MAP4: variants seen among roughly 807,000 people sequenced by gnomAD.
The protein encoded by MAP4 is microtubule associated protein 4, also known as microtubule-associated protein 4.
Under a neutral mutation model 170.2 loss-of-function variants are expected in MAP4, and 76 were observed. That is an observed-to-expected ratio of 0.45 (90% CI 0.37 to 0.54). MAP4 has a LOEUF of 0.54. Ranked by LOEUF, MAP4 falls within the 20% of genes least tolerant of loss-of-function variation. MAP4 has a pLI of 0.00. For synonymous variants in MAP4, 909 were observed against 994.5 expected, an observed-to-expected ratio of 0.91 and a Z score of 1.62; for missense variants, 2,506 against 2,748.0, an observed-to-expected ratio of 0.91 and a Z score of 1.97.
intron 1 of MAP4, among the ~76,000 whole-genome samples, chr3:48,030,577 T>A (rs2100115533): frequency 6.6e-6 from 1 of 151,324 alleles, no homozygotes; most frequent in African/African-American, 2.4e-5. Flanking sequence ...GGCAGGCAGA[T>A]CACCTGAAGT....
intron 2 of MAP4, among the ~76,000 whole-genome samples, chr3:47,981,124 T>A (rs982372090): frequency 6.6e-6 from 1 of 152,204 alleles, no homozygotes; most frequent in Non-Finnish European, 1.5e-5. Flanking sequence ...ATAAACAGAA[T>A]GTTTATGATG....
chr3:47,858,620 T>TTGTGTG (rs72034058), intron 17 of MAP4, among the ~76,000 whole-genome samples: 9 of 143,088 alleles, frequency 6.3e-5, no homozygotes, highest in African/African-American at 7.9e-5. Context: ...TGTGTGCGCG[T>TTGTGTG]TGTGTGTGTG....
chr3:48,025,837 T>C (rs567973075), intron 1 of MAP4, among the ~76,000 whole-genome samples: 4 of 150,642 alleles, frequency 2.7e-5, no homozygotes, highest in Non-Finnish European at 5.9e-5. Context: ...AAGGCGGAGG[T>C]TGCAGTGAGC....
intron 20 of MAP4, 59 bp downstream of exon 20, chr3:47,853,104 C>G: frequency 6.2e-7 from 1 of 1,613,758 alleles, no homozygotes; most frequent in South Asian, 1.1e-5. Flanking sequence ...AAAGGAGTTT[C>G]AATTTGCGGC....
intron 1 of MAP4, among the ~76,000 whole-genome samples, chr3:48,067,034 G>A (rs1167441217): frequency 3.3e-5 from 5 of 151,684 alleles, no homozygotes; most frequent in African/African-American, 1.2e-4. Context: ...TAGAGATGGG[G>A]TTTCACCATG....
chr3:47,859,812 C>A (rs1442789052), intron 17 of MAP4, among the ~76,000 whole-genome samples: 1 of 152,148 alleles, frequency 6.6e-6, no homozygotes, highest in Admixed American at 6.5e-5. Context: ...ATCTATAGTT[C>A]ATTATACAGA....
At chr3:47,956,996 C>T (rs935662870) in intron 3 of MAP4, among the ~76,000 whole-genome samples, 6 of 152,182 alleles carry the variant, frequency 3.9e-5, no homozygotes, top group Non-Finnish European at 8.8e-5. Flanking sequence ...CGCTGGACTT[C>T]TATTATGGGG....
intron 10 of MAP4, among the ~76,000 whole-genome samples, chr3:47,897,422 G>A (rs961942748): frequency 1.1e-4 from 17 of 151,978 alleles, no homozygotes; most frequent in African/African-American, 3.6e-4. Flanking sequence ...CATTGCGCTC[G>A]GCCCAATGTA....
At chr3:47,895,478 G>A (rs1390017454) in intron 10 of MAP4, among the ~76,000 whole-genome samples, 1 of 152,228 alleles carries the variant, frequency 6.6e-6, no homozygotes, top group African/African-American at 2.4e-5. Context: ...TAACCTTTCT[G>A]TCTCATGCGG....
chr3:47,949,374 G>A (rs762791548), intron 3 of MAP4, among the ~76,000 whole-genome samples: 2 of 150,422 alleles, frequency 1.3e-5, no homozygotes, highest in African/African-American at 4.9e-5. Context: ...GCTGAGACAG[G>A]AGAATTGCTT....
At chr3:47,952,330 G>A (rs1352561375) in intron 3 of MAP4, among the ~76,000 whole-genome samples, 1 of 150,360 alleles carries the variant, frequency 6.7e-6, no homozygotes, top group Non-Finnish European at 1.5e-5. Context: ...CTGCCCGGCC[G>A]CCCCTACTGG....
chr3:48,038,176 G>GAAAAAAAAAAAAAAA (rs397786308), intron 1 of MAP4, among the ~76,000 whole-genome samples: 1 of 118,862 alleles, frequency 8.4e-6, no homozygotes, highest in African/African-American at 3.4e-5. Flanking sequence ...TCCAAAAAAA[G>GAAAAAAAAAAAAAAA]AAAAAAAAAA....
chr3:48,058,295 A>G (rs1379936141), intron 1 of MAP4, among the ~76,000 whole-genome samples: 1 of 152,232 alleles, frequency 6.6e-6, no homozygotes, highest in Non-Finnish European at 1.5e-5. Context: ...GAGGGAGGCC[A>G]GTAGGCCGGC....
intron 1 of MAP4, among the ~76,000 whole-genome samples, chr3:48,071,466 C>T (rs1282869109): frequency 1.3e-5 from 2 of 151,938 alleles, no homozygotes; most frequent in Non-Finnish European, 2.9e-5. Context: ...GGAGGATCAC[C>T]TGAAACCAGA....
At chr3:48,012,129 G>A (rs1355808041) in intron 1 of MAP4, among the ~76,000 whole-genome samples, 3 of 151,984 alleles carry the variant, frequency 2.0e-5, no homozygotes, top group African/African-American at 7.3e-5. Context: ...TGGTGTCTTC[G>A]CTTTGACCTT....
intron 1 of MAP4, among the ~76,000 whole-genome samples, chr3:48,012,008 G>C (rs1327132775): frequency 1.3e-5 from 2 of 152,150 alleles, no homozygotes; most frequent in Non-Finnish European, 2.9e-5. Flanking sequence ...CCTGAGATCG[G>C]ATTAAGAACC....
rs1385140798 is a variant in MAP4, at chr3:47,977,528, G to A, written c.292+337C>T. On this transcript the variant is annotated intron_variant, in intron 3 of 20. Transcript: ENST00000683076. The stretch of plus-strand genomic sequence containing the variant: ...GCAATGTGATTCAGGGAACAGACCT[G>A]CTGTTTTAAGAGTTGTAGTGGCCAA... Among the ~76,000 whole-genome samples, 10 of 152,162 alleles carry A rather than the reference G, an allele frequency of 6.6e-5. No individual in the cohort carries two copies. In the East Asian group the frequency reaches 1.7e-3, roughly 26 times the overall value.
At chr3:48,053,363 T>C (rs948379720) in intron 1 of MAP4, among the ~76,000 whole-genome samples, 4 of 70,344 alleles carry the variant, frequency 5.7e-5, no homozygotes, top group African/African-American at 7.5e-5. Flanking sequence ...CTAGGGTTCA[T>C]TGAAACAACA....
intron 1 of MAP4, among the ~76,000 whole-genome samples, chr3:48,012,038 A>G (rs1383698224): frequency 6.6e-6 from 1 of 152,142 alleles, no homozygotes; most frequent in African/African-American, 2.4e-5. Context: ...GTTTGGCATG[A>G]TTGATCCCCA....
Sources: allele counts gnomAD v4.1 joint callset (sites outside exome capture counted in the v4.1 genomes callset), GRCh38; gene constraint gnomAD v4.1.1; transcripts MANE v1.5; gene names NCBI Gene and HGNC (gene_info 2026-07-23, HGNC 2026-07-21).